The following DLEU7 variants were observed in gnomAD, a reference collection of about 807,000 sequenced individuals.
DLEU7 encodes leukemia-associated protein 7.
DLEU7 carries 17 observed loss-of-function variants against 16.0 expected under a neutral mutation model. The observed-to-expected ratio is 1.06, with a 90% CI of 0.73 to 1.59. The LOEUF is 1.59. Among genes scored for constraint, DLEU7 ranks in the 40% most tolerant of loss-of-function variants. The probability of loss-of-function intolerance (pLI) is 0.00; values close to 1 mark genes in which losing one functional copy is unlikely to be tolerated. For synonymous variants in DLEU7, 113 were observed against 139.8 expected (o/e 0.81, Z 1.35); for missense variants, 308 against 314.9 (o/e 0.98, Z 0.17).
intron 1 of DLEU7, among the ~76,000 whole-genome samples, chr13:50,785,505 G>A (rs1875774227): frequency 6.6e-6 from 1 of 152,122 alleles, no homozygotes; most frequent in Non-Finnish European, 1.5e-5. Context: ...GAAAATTTGA[G>A]TGCTGAATAG....
chr13:50,728,297 C>A (rs1207796385), intron 1 of DLEU7, among the ~76,000 whole-genome samples: 1 of 152,172 alleles, frequency 6.6e-6, no homozygotes, highest in African/African-American at 2.4e-5. Flanking sequence ...AATAGACTAA[C>A]ATTGCAGTTC....
chr13:50,720,339 G>A (rs1219447615), intron 1 of DLEU7, among the ~76,000 whole-genome samples: 1 of 152,116 alleles, frequency 6.6e-6, no homozygotes, highest in African/African-American at 2.4e-5. Context: ...GCCAAACTTG[G>A]TAAGATCTTT....
At chr13:50,810,870 C>T (rs1194699231) in intron 1 of DLEU7, among the ~76,000 whole-genome samples, 3 of 152,184 alleles carry the variant, frequency 2.0e-5, no homozygotes, top group Non-Finnish European at 4.4e-5. Context: ...TTTCAAAGAG[C>T]TTAATGATGT....
chr13:50,737,922 T>G (rs1027034256), intron 1 of DLEU7, among the ~76,000 whole-genome samples: 2 of 151,464 alleles, frequency 1.3e-5, no homozygotes, highest in Non-Finnish European at 2.9e-5. Flanking sequence ...TGCACCAAAC[T>G]GTAAACCAAG....
At chr13:50,764,589 C>A (rs1472646970) in intron 1 of DLEU7, among the ~76,000 whole-genome samples, 4 of 152,224 alleles carry the variant, frequency 2.6e-5, no homozygotes, top group Admixed American at 6.5e-5. Context: ...AACCCCTAAT[C>A]TTAGTCATTT....
chr13:50,771,775 T>G (rs538879934), intron 1 of DLEU7, among the ~76,000 whole-genome samples: 1 of 152,328 alleles, frequency 6.6e-6, no homozygotes, highest in Admixed American at 6.5e-5. Context: ...AGATGTCTAT[T>G]AGGTCTGCTT....
intron 1 of DLEU7, among the ~76,000 whole-genome samples, chr13:50,813,964 T>C (rs1180563072): frequency 6.6e-6 from 1 of 152,120 alleles, no homozygotes; most frequent in Non-Finnish European, 1.5e-5. Flanking sequence ...ATTTGTGATA[T>C]GGGTTTGGGA....
chr13:50,835,882 C>T (rs541931789), intron 1 of DLEU7, among the ~76,000 whole-genome samples: 4 of 152,208 alleles, frequency 2.6e-5, no homozygotes, highest in African/African-American at 9.6e-5. Flanking sequence ...AATAAACACT[C>T]TCATCATAAC....
intron 1 of DLEU7, among the ~76,000 whole-genome samples, chr13:50,737,722 A>C (rs1008833130): frequency 6.6e-6 from 1 of 152,050 alleles, no homozygotes; most frequent in African/African-American, 2.4e-5. Context: ...TGGGCCTCTA[A>C]TTCCCTGAGA....
At chr13:50,738,488 A>G (rs772025759) in intron 1 of DLEU7, among the ~76,000 whole-genome samples, 1 of 152,102 alleles carries the variant, frequency 6.6e-6, no homozygotes, top group Non-Finnish European at 1.5e-5. Flanking sequence ...TGCACATCTT[A>G]TTGCCTGCAC....
At chr13:50,778,937 T>C (rs761420399) in intron 1 of DLEU7, among the ~76,000 whole-genome samples, 156 of 152,356 alleles carry the variant, frequency 1.0e-3, no homozygotes, top group Middle Eastern at 0.01. Context: ...TGTGGAATGA[T>C]TCCATGTATA....
chr13:50,798,703 C>T (rs1445496639), intron 1 of DLEU7, among the ~76,000 whole-genome samples: 1 of 152,240 alleles, frequency 6.6e-6, no homozygotes, highest in Non-Finnish European at 1.5e-5. Context: ...TCATGTCAAC[C>T]TCCAGGCCAC....
Sources: allele counts gnomAD v4.1 joint callset (sites outside exome capture counted in the v4.1 genomes callset), GRCh38; gene constraint gnomAD v4.1.1; transcripts MANE v1.5; gene names NCBI Gene and HGNC (gene_info 2026-07-23, HGNC 2026-07-21).